ESAM: variants seen among roughly 807,000 people sequenced by gnomAD.
ESAM encodes endothelial cell-selective adhesion molecule.
Under a neutral mutation model 31.8 loss-of-function variants are expected in ESAM, and 23 were observed. That is an observed-to-expected ratio of 0.72 (90% CI 0.52 to 1.03). ESAM has a LOEUF of 1.03. ESAM is among the 50% of genes least tolerant of loss of function. The pLI is 0.00. For synonymous variants in ESAM, 216 were observed against 207.2 expected (o/e 1.04, Z -0.37); for missense variants, 478 against 488.9 (o/e 0.98, Z 0.21).
In ESAM at chr11:124,753,782, C is replaced by G. The variant is rs772955038; in HGVS notation, c.1037G>C (p.Arg346Thr). 2 of 1,613,816 alleles carry G rather than the reference C, an allele frequency of 1.2e-6. No homozygotes were observed. Among genetic ancestry groups the G allele is most frequent in the South Asian group, 2.2e-5 (2 of 91,030 alleles). ...GTGGGCCCCATCTGTCGTGGGCAGT[C>G]TTGGTGAGGGCAGGGCCTGGCTGGA... is the stretch of plus-strand genomic sequence containing the variant. ...SLSSQALPSP[R>T]LPTTDGAHPQ... The change falls in exon 7 of 7, where the codon AGA becomes ACA. Residue 346 changes from arginine (R) to threonine (T), a missense_variant. By Grantham distance (71) the Arg-to-Thr change is moderately conservative. Transcript: ENST00000278927.
rs1316403373 is a variant in ESAM at position 124,758,522 on chromosome 11, G to C, written c.76C>G (p.Pro26Ala). 1.9e-6 allele frequency: 3 copies of C among 1,557,552 alleles called. No individual in the cohort carries two copies. Among genetic ancestry groups the C allele is most frequent in the East Asian group, 2.4e-5 (1 of 42,166 alleles). ...TGCAGTTGCAGCTGGGCCCGCGAGG[G>C]GGGCGCTGGAGACAAGAGCGAGGCG... ...LFLGLSALAP[P>A]SRAQLQLHLP... The change falls in exon 2 of 7, where the codon CCC becomes GCC. Residue 26 changes from proline (P) to alanine (A), a missense_variant. Pro to Ala is a conservative substitution (Grantham distance 27). Transcript: ENST00000278927.
At chr11:124,755,669 C>A (rs967976195) in intron 4 of ESAM, among the ~76,000 whole-genome samples, 1 of 152,146 alleles carries the variant, frequency 6.6e-6, no homozygotes, top group Non-Finnish European at 1.5e-5. Flanking sequence ...TATTTGATTT[C>A]TTTCTTTTAC....
chr11:124,754,123 C>CA lies in ESAM; in HGVS notation c.857+90_857+91insT. On this transcript the variant is annotated intron_variant, in intron 6 of 6. Coordinates refer to ENST00000278927, the MANE Select transcript of ESAM (RefSeq NM_138961.3). The surrounding 1 kb of genome is among the most constrained non-coding windows in gnomAD (Gnocchi z 4.5). ...AGGAATGATGTTTCAGCCACTGACC[C>CA]CATCCCAATAGATGAGAGCTGCCTG... The CA allele has an allele frequency of 6.4e-7, 1 of 1,565,292 alleles. No homozygotes were observed. The highest frequency in any genetic ancestry group is 1.4e-5 in the African/African-American group (1 of 73,774).
chr11:124,755,284 T>C (rs913824306), intron 4 of ESAM, among the ~76,000 whole-genome samples: 3 of 152,114 alleles, frequency 2.0e-5, no homozygotes, highest in Non-Finnish European at 2.9e-5. Context: ...TTAGGAGATA[T>C]AGCTAATGCT....
At chr11:124,758,312 G>C in intron 2 of ESAM, 37 bp downstream of exon 2, 3 of 1,612,960 alleles carry the variant, frequency 1.9e-6, no homozygotes, top group Non-Finnish European at 2.5e-6. Flanking sequence ...CCCTCTGGGC[G>C]CAACTTGCCG....
In ESAM at chr11:124,758,336, G is replaced by T; in HGVS notation, c.249+13C>A. 6.2e-7 allele frequency: 1 copy of T among 1,613,864 alleles called. No individual in the cohort carries two copies. The highest frequency in any genetic ancestry group is 8.5e-7 in the Non-Finnish European group (1 of 1,179,936). ...CGCAACTTGCCGCTGGCTGACAGGC[G>T]TTCTTCCCTCACCTGATCCTCCTTT... On this transcript the variant is annotated intron_variant, in intron 2 of 6. Coordinates refer to ENST00000278927, the MANE Select transcript of ESAM (RefSeq NM_138961.3).
At position 124,759,920 on chromosome 11, in the gene ESAM, C is replaced by G. The variant is rs60590070; in HGVS notation, c.71-1393G>C. Among the ~76,000 whole-genome samples, 3,221 of 152,340 alleles carry G rather than the reference C, an allele frequency of 0.021. 119 individuals carry two copies. The highest frequency in any genetic ancestry group is 0.074 in the African/African-American group (3,072 of 41,566). On this transcript the variant is annotated intron_variant, in intron 1 of 6. Transcript: ENST00000278927. This position sits in a 1 kb window ranked among gnomAD's most constrained non-coding sequence, Gnocchi z 6.8. ...CTGGCCATTCCGCTGAGGCCGGGCA[C>G]GCCTGGAGCCTGCAGGTGCTGCCGG...
In ESAM at chr11:124,756,662, G is replaced by T. The variant is rs748835116; in HGVS notation, c.330C>A (p.Ser110=). 6.2e-7 allele frequency: 1 copy of T among 1,614,166 alleles called. No individual in the cohort carries two copies. Among genetic ancestry groups the T allele is most frequent in the Admixed American group, 1.7e-5 (1 of 60,030 alleles). Residue 110 remains serine, a synonymous_variant, in exon 3 of 7, where the codon TCC becomes TCA. Transcript: ENST00000278927. ...TCTCCTGGAGACCCTCCAGCCGCAGGGACAGGTTCCGGGAGGGCATGGAGT... is the reference window on the plus strand; with the variant it reads ...TCTCCTGGAGACCCTCCAGCCGCAGTGACAGGTTCCGGGAGGGCATGGAGT... ...LVYSMPSRNL[S]LRLEGLQEKD...
intron 2 of ESAM, 151 bp downstream of exon 2, chr11:124,758,198 C>CA: frequency 1.2e-6 from 1 of 860,074 alleles, no homozygotes; most frequent in Non-Finnish European, 1.8e-6. Flanking sequence ...AATATCAGAA[C>CA]AAAAACTGAA....
In ESAM at chr11:124,758,523, G is replaced by A. The variant is rs563819185; in HGVS notation, c.75C>T (p.Pro25=). 2.6e-6 allele frequency: 4 copies of A among 1,553,622 alleles called. No homozygotes were observed. Among genetic ancestry groups the A allele is most frequent in the Non-Finnish European group, 3.5e-6 (4 of 1,150,010 alleles). Residue 25 remains proline, a synonymous_variant, in exon 2 of 7, where the codon CCC becomes CCT. Coordinates refer to ENST00000278927, the MANE Select transcript of ESAM (RefSeq NM_138961.3). ...GCAGTTGCAGCTGGGCCCGCGAGGG[G>A]GGCGCTGGAGACAAGAGCGAGGCGT... is the stretch of plus-strand genomic sequence containing the variant. ...FLFLGLSALA[P]PSRAQLQLHL...
At chr11:124,761,815 G>T (rs909589358) in intron 1 of ESAM, among the ~76,000 whole-genome samples, 4 of 151,906 alleles carry the variant, frequency 2.6e-5, no homozygotes, top group African/African-American at 9.7e-5. Flanking sequence ...GTGAGGAATG[G>T]TTCCGATAAC....
rs868175902 is a variant in ESAM, at chr11:124,757,239, T to A, written c.250-497A>T. On this transcript the variant is annotated intron_variant, in intron 2 of 6. Coordinates refer to ENST00000278927, the MANE Select transcript of ESAM (RefSeq NM_138961.3). ...TGAGTCCAAGAGTTCAAGACCAGCCTGGGCAATACGGTGAAACACAGTCTC... is the reference window on the plus strand; with the variant it reads ...TGAGTCCAAGAGTTCAAGACCAGCCAGGGCAATACGGTGAAACACAGTCTC... 4.8e-5 allele frequency: 8 copies of A among 166,502 alleles called. No individual in the cohort carries two copies. The South Asian group carries it at 1.3e-3, about 27-fold the overall frequency. The allele number at this position is 166,502 out of a possible 1,614,324, so 10.3% of individuals were successfully genotyped here. A position where few individuals can be genotyped will look rare whatever the true frequency, so the allele number is the denominator to read the frequency against.
intron 4 of ESAM, among the ~76,000 whole-genome samples, chr11:124,755,611 C>T (rs1944143270): frequency 6.6e-6 from 1 of 152,036 alleles, no homozygotes; most frequent in Admixed American, 6.5e-5. Flanking sequence ...AATGAAAATC[C>T]ATATTCCCAC....
intron 1 of ESAM, 47 bp from the exon 2 acceptor site, chr11:124,758,574 C>T: frequency 1.4e-6 from 2 of 1,456,684 alleles, no homozygotes; most frequent in Non-Finnish European, 9.0e-7. Context: ...GCTCCCAGCT[C>T]CGCCCGCGGA....
Position 124,759,457 on chromosome 11 carries a change from C to G in ESAM, c.71-930G>C, listed in dbSNP as rs1160278549. 11 of 152,362 alleles carry G rather than the reference C, an allele frequency of 7.2e-5. No individual in the cohort carries two copies. The highest frequency in any genetic ancestry group is 1.5e-4 in the Non-Finnish European group (10 of 68,146). The allele number at this position is 152,362 out of a possible 1,614,324, so 9.4% of individuals were successfully genotyped here. A position where few individuals can be genotyped will look rare whatever the true frequency, so the allele number is the denominator to read the frequency against. On this transcript the variant is annotated intron_variant, in intron 1 of 6. Transcript: ENST00000278927. This position sits in a 1 kb window ranked among gnomAD's most constrained non-coding sequence, Gnocchi z 6.8. ...AACCTTGGGCTTGCACACGGCCAGGCCTGAGGATGATCGCCGCTCCAGTCC... is the reference window on the plus strand; with the variant it reads ...AACCTTGGGCTTGCACACGGCCAGGGCTGAGGATGATCGCCGCTCCAGTCC...
chr11:124,760,803 C>T lies in ESAM; in HGVS notation c.70+1282G>A, dbSNP rs115939463. 4.6e-3 allele frequency among the ~76,000 whole-genome samples: 701 copies of T among 152,306 alleles called. 4 individuals carry two copies. The highest frequency in any genetic ancestry group is 0.016 in the African/African-American group (666 of 41,568). Reference sequence around the variant, plus strand: ...GTCCTCCCTGGCTTCAGAGATTCCCCCAGCCCCCACCCCCCACAAGGAAGG... The same window carrying T: ...GTCCTCCCTGGCTTCAGAGATTCCCTCAGCCCCCACCCCCCACAAGGAAGG... On this transcript the variant is annotated intron_variant, in intron 1 of 6. Coordinates refer to ENST00000278927, the MANE Select transcript of ESAM (RefSeq NM_138961.3).
chr11:124,753,727 C>A lies in ESAM; in HGVS notation c.1092G>T (p.Gly364=). 1 of 1,614,090 alleles carries A rather than the reference C, an allele frequency of 6.2e-7. No homozygotes were observed. Among genetic ancestry groups the A allele is most frequent in the African/African-American group, 1.3e-5 (1 of 75,032 alleles). ...HPQPISPIPG[G]VSSSGLSRMG... ...TGCGGCTCAAGCCAGAGGAAGAAAC[C>A]CCACCAGGGATGGGGGATATTGGTT... is the stretch of plus-strand genomic sequence containing the variant. The change falls in exon 7 of 7, where the codon GGG becomes GGT. Residue 364 remains glycine (G), a synonymous_variant. Coordinates refer to ENST00000278927, the MANE Select transcript of ESAM (RefSeq NM_138961.3).
chr11:124,761,348 C>T (rs1347493765), intron 1 of ESAM, among the ~76,000 whole-genome samples: 1 of 152,172 alleles, frequency 6.6e-6, no homozygotes, highest in Admixed American at 6.5e-5. Context: ...CAACACTTCC[C>T]AAACACTTGC....
chr11:124,755,342 A>G (rs1944140786), intron 4 of ESAM, among the ~76,000 whole-genome samples: 1 of 151,500 alleles, frequency 6.6e-6, no homozygotes, highest in Non-Finnish European at 1.5e-5. Context: ...ACATGTATAC[A>G]TATGTAACTA....
Sources: allele counts gnomAD v4.1 joint callset (sites outside exome capture counted in the v4.1 genomes callset), GRCh38; gene constraint gnomAD v4.1.1; non-coding constraint Gnocchi (gnomAD v3.1); transcripts MANE v1.5; gene names NCBI Gene and HGNC (gene_info 2026-07-23, HGNC 2026-07-21).